Variants in ALDH3A2 observed in about 807,000 individuals in gnomAD.
The protein encoded by ALDH3A2 is aldehyde dehydrogenase 3 family member A2, also known as aldehyde dehydrogenase family 3 member A2.
In ALDH3A2, 36 loss-of-function variants were observed where a neutral mutation model predicts 51.3. That is an observed-to-expected ratio of 0.70 (90% confidence interval 0.54 to 0.93). ALDH3A2 has a LOEUF of 0.93. ALDH3A2 is among the 40% of genes least tolerant of loss of function. The pLI, the probability that ALDH3A2 is intolerant of heterozygous loss-of-function variation, is 0.00. For missense variants in ALDH3A2, 552 were observed against 603.1 expected (o/e 0.92, Z 0.89); for synonymous variants, 199 against 219.8 (o/e 0.91, Z 0.84).
intron 8 of ALDH3A2, among the ~76,000 whole-genome samples, chr17:19,670,021 C>T (rs752172503): frequency 1.3e-5 from 2 of 152,200 alleles, no homozygotes; most frequent in South Asian, 2.1e-4. Flanking sequence ...CCAAAACCCA[C>T]ATATTCAACC....
chr17:19,660,127 T>C (rs1035968409), intron 5 of ALDH3A2, among the ~76,000 whole-genome samples: 1 of 152,146 alleles, frequency 6.6e-6, no homozygotes, highest in African/African-American at 2.4e-5. Flanking sequence ...ATGAATTCAA[T>C]TTCAAAGGAA....
rs1199020853 is a variant in ALDH3A2, at chr17:19,655,448, AG to A, written c.472-916del. ...AATAACTGACTCTGTCCGGATAAGG[AG>A]GATAATAATGCTCTACCAGCTTCAG... On this transcript the variant is annotated intron_variant, in intron 3 of 9. Coordinates refer to ENST00000176643, the MANE Select transcript of ALDH3A2 (RefSeq NM_000382.3). 2.0e-5 allele frequency: 3 copies of A among 152,238 alleles called. No homozygotes were observed. The East Asian group carries it at 5.8e-4, about 29-fold the overall frequency. The allele number at this position is 152,238 out of a possible 1,614,324, so 9.4% of individuals were successfully genotyped here.
At chr17:19,663,979 G>A (rs936623138) in intron 7 of ALDH3A2, among the ~76,000 whole-genome samples, 3 of 152,224 alleles carry the variant, frequency 2.0e-5, no homozygotes, top group African/African-American at 7.2e-5. Flanking sequence ...TGGTGGAACT[G>A]CATCACCTGG....
At chr17:19,662,554 G>A (rs922079259) in intron 6 of ALDH3A2, among the ~76,000 whole-genome samples, 21 of 151,974 alleles carry the variant, frequency 1.4e-4, no homozygotes, top group African/African-American at 4.8e-4. Context: ...GCAGATGCTG[G>A]GACACTTTGT....
At chr17:19,651,033 A>G (rs1281658210) in intron 1 of ALDH3A2, among the ~76,000 whole-genome samples, 1 of 152,224 alleles carries the variant, frequency 6.6e-6, no homozygotes. Context: ...ATGTGTGTAT[A>G]TAGGATGACT....
intron 8 of ALDH3A2, among the ~76,000 whole-genome samples, chr17:19,671,024 C>G (rs2085106021): frequency 6.6e-6 from 1 of 152,214 alleles, no homozygotes; most frequent in Non-Finnish European, 1.5e-5. Flanking sequence ...ATCACACATG[C>G]CATTCCCTCT....
intron 8 of ALDH3A2, among the ~76,000 whole-genome samples, chr17:19,669,699 A>G (rs1026797021): frequency 6.6e-6 from 1 of 152,082 alleles, no homozygotes; most frequent in Non-Finnish European, 1.5e-5. Context: ...CAGTGGTGCA[A>G]TCACGGCTCA....
At position 19,654,463 on chromosome 17, in the gene ALDH3A2, G is replaced by A. The variant is rs914927896; in HGVS notation, c.471+1831G>A. Among the ~76,000 whole-genome samples, 13 of 152,334 alleles carry A rather than the reference G, an allele frequency of 8.5e-5. No individual in the cohort carries two copies. The highest frequency in any genetic ancestry group is 3.9e-4 in the East Asian group (2 of 5,180). The stretch of plus-strand genomic sequence containing the variant: ...CTGCAGGTCCCGAGCCCTGCCCTGC[G>A]GGGAGGTGGCTGAGGCCCGGCGAGA... On this transcript the variant is annotated intron_variant, in intron 3 of 9. Coordinates refer to ENST00000176643, the MANE Select transcript of ALDH3A2 (RefSeq NM_000382.3). The surrounding 1 kb of genome is among the most constrained non-coding windows in gnomAD (Gnocchi z 4.5).
intron 1 of ALDH3A2, among the ~76,000 whole-genome samples, chr17:19,650,842 C>T (rs1014818047): frequency 2.6e-5 from 4 of 152,102 alleles, no homozygotes; most frequent in Admixed American, 6.5e-5. Context: ...ACAATCCCCT[C>T]AATCAAAGAT....
chr17:19,650,840 C>T (rs2084805890), intron 1 of ALDH3A2, among the ~76,000 whole-genome samples: 1 of 152,166 alleles, frequency 6.6e-6, no homozygotes, highest in African/African-American at 2.4e-5. Flanking sequence ...CCACAATCCC[C>T]TCAATCAAAG....
In ALDH3A2 at chr17:19,654,588, C is replaced by T. The variant is rs962796822; in HGVS notation, c.472-1778C>T. 5.3e-5 allele frequency among the ~76,000 whole-genome samples: 8 copies of T among 152,296 alleles called. No individual in the cohort carries two copies. Among genetic ancestry groups the T allele is most frequent in the South Asian group, 2.1e-4 (1 of 4,826 alleles). ...TAAGCCCCTCATTGCCCAGGGCTGGCGGCGCCGGCCAGCTGCTCCGAGTGT... is the reference window on the plus strand; with the variant it reads ...TAAGCCCCTCATTGCCCAGGGCTGGTGGCGCCGGCCAGCTGCTCCGAGTGT... On this transcript the variant is annotated intron_variant, in intron 3 of 9. Coordinates refer to ENST00000176643, the MANE Select transcript of ALDH3A2 (RefSeq NM_000382.3). This position sits in a 1 kb window ranked among gnomAD's most constrained non-coding sequence, Gnocchi z 4.5.
chr17:19,650,731 A>G (rs1165918458), intron 1 of ALDH3A2, among the ~76,000 whole-genome samples: 1 of 151,756 alleles, frequency 6.6e-6, no homozygotes, highest in Non-Finnish European at 1.5e-5. Context: ...GGGATTATAG[A>G]CGTGAGCCAC....
chr17:19,664,090 CTGA>C (rs2085003926), intron 7 of ALDH3A2, among the ~76,000 whole-genome samples: 1 of 152,156 alleles, frequency 6.6e-6, no homozygotes, highest in African/African-American at 2.4e-5. Context: ...TGGAGAGCTT[CTGA>C]TGGTAATGTA....
In ALDH3A2 at chr17:19,654,294, G is replaced by C. The variant is rs1255398429; in HGVS notation, c.471+1662G>C. Among the ~76,000 whole-genome samples, 2 of 152,272 alleles carry C rather than the reference G, an allele frequency of 1.3e-5. No homozygotes were observed. Among genetic ancestry groups the C allele is most frequent in the African/African-American group, 4.8e-5 (2 of 41,480 alleles). On this transcript the variant is annotated intron_variant, in intron 3 of 9. Transcript: ENST00000176643. The surrounding 1 kb of genome is among the most constrained non-coding windows in gnomAD (Gnocchi z 4.5). ...GGGCTGTGGGTGGAGCTGCCCATCA[G>C]TCCAGCGCTGCGCGCCTGCACCCCT... is the stretch of plus-strand genomic sequence containing the variant.
chr17:19,671,809 A>G lies in ALDH3A2; in HGVS notation c.1296A>G (p.Arg432=), dbSNP rs767381183. Residue 432 remains arginine (R), a synonymous_variant, in exon 9 of 10, where the codon AGA becomes AGG. Transcript: ENST00000176643. ...CCTGTTTATTAAAAAGTTTAAAGAGAGAAGGTGCTAACAAACTCAGATATC... is the reference window on the plus strand; with the variant it reads ...CCTGTTTATTAAAAAGTTTAAAGAGGGAAGGTGCTAACAAACTCAGATATC... ...QRPCLLKSLK[R]EGANKLRYPP... The G allele has an allele frequency of 6.2e-7, 1 of 1,614,186 alleles. No individual in the cohort carries two copies. The highest frequency in any genetic ancestry group is 2.2e-5 in the East Asian group (1 of 44,888).
At chr17:19,653,672 T>TA (rs2084850902) in intron 3 of ALDH3A2, among the ~76,000 whole-genome samples, 2 of 152,208 alleles carry the variant, frequency 1.3e-5, no homozygotes, top group African/African-American at 4.8e-5. Context: ...CAGTGAGTGT[T>TA]ACAGCTCATA....
At position 19,648,842 on chromosome 17, in the gene ALDH3A2, C is replaced by T. The variant is rs929783497; in HGVS notation, c.-130C>T. 3.9e-5 allele frequency: 49 copies of T among 1,261,042 alleles called. No homozygotes were observed. The highest frequency in any genetic ancestry group is 2.1e-4 in the Admixed American group (10 of 47,956). 78.1% of individuals were successfully genotyped at this position (1,261,042 alleles called of 1,614,324 possible). ...CGAGCCCTGGGCGAGTGAATTGTGG[C>T]TGTGGGTTGACGGTGGAGACACCCC... On this transcript the variant is annotated 5_prime_UTR_variant, in exon 1 of 10. Transcript: ENST00000176643.
chr17:19,649,039 G>C lies in ALDH3A2; in HGVS notation c.68G>C (p.Arg23Pro). Residue 23 changes from arginine (R) to proline (P), a missense_variant, in exon 1 of 10, where the codon CGG becomes CCG. Coordinates refer to ENST00000176643, the MANE Select transcript of ALDH3A2 (RefSeq NM_000382.3). Reference sequence around the variant, plus strand: ...GGCCGGTCGCGACCTCTGCGGTTTCGGCTGCAGCAGCTGGAGGCCCTGCGG... The same window carrying C: ...GGCCGGTCGCGACCTCTGCGGTTTCCGCTGCAGCAGCTGGAGGCCCTGCGG... ...LSGRSRPLRF[R>P]LQQLEALRRM... is the part of the protein sequence containing the mutation. 6.3e-7 allele frequency: 1 copy of C among 1,583,782 alleles called. No individual in the cohort carries two copies. Among genetic ancestry groups the C allele is most frequent in the Non-Finnish European group, 8.6e-7 (1 of 1,165,422 alleles).
In ALDH3A2 at chr17:19,648,991, GGGTCCGACAGGCGTTCCTGTCCGGCC is replaced by G. The variant is rs767751416; in HGVS notation, c.25_50del (p.Arg9AlafsTer36). 5 of 1,586,004 alleles carry G rather than the reference GGGTCCGACAGGCGTTCCTGTCCGGCC, an allele frequency of 3.2e-6. No homozygotes were observed. The highest frequency in any genetic ancestry group is 1.3e-5 in the African/African-American group (1 of 74,656). ...CAGGCCATGGAGCTCGAAGTCCGGC[GGGTCCGACAGGCGTTCCTGTCCGGCC>G]GGTCGCGACCTCTGCGGTTTCGGCT... On this transcript the variant is annotated frameshift_variant, in exon 1 of 10. Coordinates refer to ENST00000176643, the MANE Select transcript of ALDH3A2 (RefSeq NM_000382.3). LOFTEE classifies it high-confidence loss of function.
Sources: gnomAD v4.1 joint callset for allele counts (sites outside exome capture counted in the v4.1 genomes callset) on GRCh38, gnomAD v4.1.1 for gene constraint, Gnocchi (gnomAD v3.1) non-coding constraint, MANE v1.5 for transcripts, NCBI Gene and HGNC (gene_info 2026-07-23, HGNC 2026-07-21) for gene names.